RANBP17: variants seen among roughly 807,000 people sequenced by gnomAD.
The protein encoded by RANBP17 is ran-binding protein 17.
RANBP17 carries 158 observed loss-of-function variants against 141.2 expected under a neutral mutation model. That is an observed-to-expected ratio of 1.12 (90% confidence interval 0.98 to 1.28). The LOEUF (loss-of-function observed/expected upper bound fraction) is 1.28. Ranked by LOEUF, RANBP17 falls within the 50% of genes most tolerant of loss-of-function variation. RANBP17 has a pLI of 0.00. For missense variants in RANBP17, 1,438 were observed against 1,290.7 expected, an observed-to-expected ratio of 1.11 and a Z score of -1.75; for synonymous variants, 430 against 450.0, an observed-to-expected ratio of 0.96 and a Z score of 0.56.
chr5:171,289,676 CA>C (rs1418416374), intron 25 of RANBP17, among the ~76,000 whole-genome samples: 2 of 152,082 alleles, frequency 1.3e-5, no homozygotes, highest in African/African-American at 4.8e-5. Context: ...TTCGAGGCTG[CA>C]GTGAGCCATG....
chr5:171,038,466 G>T (rs971283480), intron 14 of RANBP17, among the ~76,000 whole-genome samples: 2 of 151,912 alleles, frequency 1.3e-5, no homozygotes, highest in Non-Finnish European at 2.9e-5. Flanking sequence ...ATGCTGTGGC[G>T]AGGGCTTCCA....
At chr5:171,210,621 C>T (rs1386459704) in intron 20 of RANBP17, among the ~76,000 whole-genome samples, 4 of 152,094 alleles carry the variant, frequency 2.6e-5, no homozygotes, top group Non-Finnish European at 4.4e-5. Context: ...CACCTGTACC[C>T]CTGTGGCATT....
rs536752713 is a variant in RANBP17 at position 171,089,628 on chromosome 5, C to CCCT, written c.1711-80499_1711-80497dup. On this transcript the variant is annotated intron_variant, in intron 14 of 27. Coordinates refer to ENST00000523189, the MANE Select transcript of RANBP17 (RefSeq NM_022897.5). ...TCAGTGAGATTCCGTGGGCGTAGGA[C>CCCT]CCTCCGAGCCAGGTGTGGGATATAA... Among the ~76,000 whole-genome samples the CCCT allele has an allele frequency of 1.6e-3, 241 of 152,260 alleles. 1 individual carries two copies. The highest frequency in any genetic ancestry group is 5.7e-3 in the African/African-American group (237 of 41,570).
At chr5:171,008,388 C>T (rs569488350) in intron 14 of RANBP17, among the ~76,000 whole-genome samples, 6 of 152,296 alleles carry the variant, frequency 3.9e-5, no homozygotes, top group African/African-American at 1.4e-4. Context: ...AAAGGAGTCC[C>T]TCTGACCCGG....
At chr5:170,942,753 A>G (rs1774429704) in intron 12 of RANBP17, among the ~76,000 whole-genome samples, 1 of 152,200 alleles carries the variant, frequency 6.6e-6, no homozygotes, top group African/African-American at 2.4e-5. Context: ...TGCGTTACAT[A>G]TATGTTTTCA....
intron 12 of RANBP17, among the ~76,000 whole-genome samples, chr5:170,930,026 T>C (rs1773219210): frequency 6.6e-6 from 1 of 152,158 alleles, no homozygotes; most frequent in South Asian, 2.1e-4. Context: ...AAGTTGAGAT[T>C]GATAATTTTG....
intron 14 of RANBP17, among the ~76,000 whole-genome samples, chr5:171,169,203 A>T (rs1372675668): frequency 6.6e-6 from 1 of 152,188 alleles, no homozygotes; most frequent in Admixed American, 6.5e-5. Flanking sequence ...AGACAGAGGG[A>T]ATAGAAGCTA....
At position 170,940,202 on chromosome 5, in the gene RANBP17, C is replaced by T. The variant is rs141985579; in HGVS notation, c.1469-13395C>T. On this transcript the variant is annotated intron_variant, in intron 12 of 27. Coordinates refer to ENST00000523189, the MANE Select transcript of RANBP17 (RefSeq NM_022897.5). ...AAGTAAAAGGATTTTTTAAAATGTG[C>T]TATGCAAATATGAACGTATAGGAGG... 5.8e-3 allele frequency among the ~76,000 whole-genome samples: 884 copies of T among 152,108 alleles called. 7 individuals carry two copies. Among genetic ancestry groups the T allele is most frequent in the African/African-American group, 0.02 (842 of 41,498 alleles).
rs182543547 is a variant in RANBP17 at position 171,155,092 on chromosome 5, A to T, written c.1711-15038A>T. On this transcript the variant is annotated intron_variant, in intron 14 of 27. Transcript: ENST00000523189. ...TACTCCATCTAGAAAAAAAAAAAAA[A>T]AAATATATATATATATATATATATA... Among the ~76,000 whole-genome samples the T allele has an allele frequency of 9.7e-3, 885 of 90,994 alleles. 3 individuals are homozygous for T. The highest frequency in any genetic ancestry group is 0.01 in the Non-Finnish European group (463 of 44,644). The allele number at this position is 90,994 out of a possible 152,430, so 59.7% of individuals were successfully genotyped here. A position where few individuals can be genotyped will look rare whatever the true frequency, so the allele number is the denominator to read the frequency against.
At chr5:171,225,448 G>A (rs1763827597) in intron 22 of RANBP17, among the ~76,000 whole-genome samples, 1 of 152,170 alleles carries the variant, frequency 6.6e-6, no homozygotes. Flanking sequence ...CTTCTGTAAT[G>A]TTTTATTACC....
At chr5:170,863,107 G>T (rs1766959935) in intron 1 of RANBP17, among the ~76,000 whole-genome samples, 2 of 146,824 alleles carry the variant, frequency 1.4e-5, no homozygotes, top group South Asian at 4.1e-4. Flanking sequence ...TCTACTCTCA[G>T]GGAACTTGCA....
At chr5:171,030,456 A>G (rs1315579747) in intron 14 of RANBP17, among the ~76,000 whole-genome samples, 1 of 148,518 alleles carries the variant, frequency 6.7e-6, no homozygotes, top group Non-Finnish European at 1.5e-5. Context: ...GAATCAAAAT[A>G]TTTATTGGGT....
chr5:170,895,443 T>C (rs1770032034), intron 4 of RANBP17, among the ~76,000 whole-genome samples: 1 of 152,194 alleles, frequency 6.6e-6, no homozygotes, highest in South Asian at 2.1e-4. Context: ...CTGATTAAAT[T>C]AAAAACATTA....
intron 20 of RANBP17, among the ~76,000 whole-genome samples, chr5:171,212,027 A>G (rs572644194): frequency 6.6e-6 from 1 of 152,334 alleles, no homozygotes; most frequent in South Asian, 2.1e-4. Flanking sequence ...AAAGCTTATA[A>G]TAGGAGAGAT....
At chr5:171,208,089 A>G (rs977537060) in intron 20 of RANBP17, among the ~76,000 whole-genome samples, 1 of 152,240 alleles carries the variant, frequency 6.6e-6, no homozygotes, top group Admixed American at 6.5e-5. Context: ...TTTTATCCAC[A>G]TAAATGTGTG....
chr5:171,295,770 A>G, intron 26 of RANBP17, 117 bp from the exon 27 acceptor site: 1 of 1,113,274 alleles, frequency 9.0e-7, no homozygotes, highest in Non-Finnish European at 1.3e-6. Context: ...CTAGACAAAA[A>G]CTCCTCTGAG....
intron 2 of RANBP17, among the ~76,000 whole-genome samples, chr5:170,878,832 T>A (rs1433682103): frequency 1.3e-5 from 2 of 152,160 alleles, no homozygotes; most frequent in Admixed American, 1.3e-4. Context: ...AGAGCAGAGT[T>A]GTCAAACTTT....
intron 21 of RANBP17, among the ~76,000 whole-genome samples, chr5:171,219,456 G>T (rs886152427): frequency 2.0e-5 from 3 of 152,134 alleles, no homozygotes; most frequent in African/African-American, 7.2e-5. Context: ...GGTTGGGGAA[G>T]TTCTTTTGGA....
At chr5:171,215,819 G>A (rs1763180318) in intron 21 of RANBP17, among the ~76,000 whole-genome samples, 1 of 151,854 alleles carries the variant, frequency 6.6e-6, no homozygotes, top group Non-Finnish European at 1.5e-5. Context: ...ATTGTCAGAT[G>A]AGTAGCTTGC....
Sources: allele counts gnomAD v4.1 joint callset (sites outside exome capture counted in the v4.1 genomes callset), GRCh38; gene constraint gnomAD v4.1.1; transcripts MANE v1.5; gene names NCBI Gene and HGNC (gene_info 2026-07-23, HGNC 2026-07-21).